The following PMPCB variants were observed in gnomAD, a reference collection of about 807,000 sequenced individuals.
PMPCB encodes mitochondrial-processing peptidase subunit beta.
A neutral mutation model predicts 61.5 loss-of-function variants in PMPCB; 46 were observed. The observed-to-expected ratio is 0.75, with a 90% confidence interval of 0.59 to 0.96. The LOEUF (loss-of-function observed/expected upper bound fraction) is 0.96, where lower values mean the gene tolerates loss of function less well. Among genes scored for constraint, PMPCB ranks in the 40% least tolerant of loss-of-function variants. PMPCB has a pLI of 0.00. For synonymous variants in PMPCB, 191 were observed against 201.6 expected (o/e 0.95, Z 0.44); for missense variants, 590 against 602.4 (o/e 0.98, Z 0.22).
At chr7:103,339,745 G>A in the PMPCB span, among the ~76,000 whole-genome samples, 10 of 152,018 alleles carry the variant, frequency 6.6e-5, no homozygotes, top group Admixed American at 2.6e-4. Context: ...GGGATTATAA[G>A]CATGTGCCAC....
At chr7:103,318,508 T>C (rs1337924981), downstream of PMPCB, among the ~76,000 whole-genome samples, 1 of 152,192 alleles carries the variant, frequency 6.6e-6, no homozygotes. Flanking sequence ...CTTGTGGCCC[T>C]TCCTATCCTA....
the PMPCB span, chr7:103,344,451 G>A: frequency 6.2e-6 from 8 of 1,284,916 alleles, no homozygotes; most frequent in Admixed American, 7.0e-5. Context: ...TACGGCCCCG[G>A]GGCTAGTCGC....
chr7:103,322,160 T>G (rs1033569865), intron 12 of PMPCB: 10 of 1,085,974 alleles, frequency 9.2e-6, no homozygotes, highest in Middle Eastern at 3.2e-4. Context: ...AAATTTAAAC[T>G]TTTAATAAAT....
In PMPCB at chr7:103,306,334, C is replaced by A. The variant is rs76328957; in HGVS notation, c.737-1262C>A. ...TTCCTGAGTTTTTGCATTTGGATACCTATTGATGTATTCAGAAATTTAGAT... is the reference window on the plus strand; with the variant it reads ...TTCCTGAGTTTTTGCATTTGGATACATATTGATGTATTCAGAAATTTAGAT... On this transcript the variant is annotated intron_variant, in intron 6 of 12. Coordinates refer to ENST00000249269, the MANE Select transcript of PMPCB (RefSeq NM_004279.3). Among the ~76,000 whole-genome samples, 564 of 150,552 alleles carry A rather than the reference C, an allele frequency of 3.7e-3. 4 individuals are homozygous for A. The highest frequency in any genetic ancestry group is 0.014 in the African/African-American group (557 of 40,956).
downstream of PMPCB, among the ~76,000 whole-genome samples, chr7:103,330,017 T>C (rs1231986775): frequency 6.6e-6 from 1 of 152,188 alleles, no homozygotes; most frequent in Non-Finnish European, 1.5e-5. Context: ...TAATGCCACA[T>C]AGCTAAAAGT....
intron 12 of PMPCB, among the ~76,000 whole-genome samples, chr7:103,328,510 G>A (rs1354912340): frequency 2.0e-4 from 30 of 151,850 alleles, no homozygotes; most frequent in Non-Finnish European, 1.5e-5. Flanking sequence ...GCATGCCTGT[G>A]GTCCCAGCTA....
chr7:103,341,123 G>A, the PMPCB span, among the ~76,000 whole-genome samples: 4 of 152,146 alleles, frequency 2.6e-5, no homozygotes, highest in Non-Finnish European at 5.9e-5. Context: ...CAGCCACATA[G>A]TAAGTTCAAG....
the PMPCB span, chr7:103,344,966 A>G: frequency 2.3e-6 from 1 of 441,592 alleles, no homozygotes; most frequent in East Asian, 3.4e-5. Flanking sequence ...TACATAGAAC[A>G]TAACCTTTAA....
chr7:103,346,819 TGTGTGTG>T, the PMPCB span, among the ~76,000 whole-genome samples: 7 of 2,182 alleles, frequency 3.2e-3, no homozygotes, highest in South Asian at 0.29. Flanking sequence ...GGCTGAATAA[TGTGTGTG>T]TGTGTGTGTG....
the PMPCB span, among the ~76,000 whole-genome samples, chr7:103,347,318 CT>C: frequency 6.6e-6 from 1 of 152,170 alleles, no homozygotes; most frequent in Non-Finnish European, 1.5e-5. Flanking sequence ...ATTTGTATAT[CT>C]TCTTTGGAGC....
At chr7:103,322,905 G>T in intron 12 of PMPCB, 2 of 856,824 alleles carry the variant, frequency 2.3e-6, no homozygotes. Context: ...AGGTTAAAAT[G>T]CTGTGTCATT....
At chr7:103,327,414 G>T in intron 12 of PMPCB, 1 of 967,928 alleles carries the variant, frequency 1.0e-6, no homozygotes, top group Non-Finnish European at 1.5e-6. Context: ...TAGGTTTGGG[G>T]CAGGGCCTGA....
downstream of PMPCB, among the ~76,000 whole-genome samples, chr7:103,315,096 G>A (rs1586061538): frequency 6.6e-6 from 1 of 151,846 alleles, no homozygotes; most frequent in South Asian, 2.1e-4. Flanking sequence ...ACCCAGTGAT[G>A]GGTCATGATT....
downstream of PMPCB, chr7:103,319,554 G>A (rs1818265855): frequency 6.5e-7 from 1 of 1,544,514 alleles, no homozygotes; most frequent in South Asian, 1.1e-5. Context: ...GAAGAAACAG[G>A]TCAAAGCAGA....
Position 103,305,641 on chromosome 7 carries a change from G to A in PMPCB, c.736+1151G>A, listed in dbSNP as rs62482394. On this transcript the variant is annotated intron_variant, in intron 6 of 12. Transcript: ENST00000249269. ...TGTTGTAAATTTTTCTCTTTTTAGA[G>A]ATCATAATTTAAAAATTCTAGTTGC... is the stretch of plus-strand genomic sequence containing the variant. 3.8e-3 allele frequency among the ~76,000 whole-genome samples: 574 copies of A among 152,266 alleles called. 4 individuals carry two copies. Among genetic ancestry groups the A allele is most frequent in the African/African-American group, 0.014 (565 of 41,542 alleles).
the PMPCB span, chr7:103,344,902 C>G: frequency 5.3e-6 from 3 of 565,414 alleles, no homozygotes; most frequent in African/African-American, 5.7e-5. Context: ...GAGAATGGTT[C>G]CTAGGCGCAT....
chr7:103,342,205 T>C, the PMPCB span, among the ~76,000 whole-genome samples: 2 of 152,156 alleles, frequency 1.3e-5, no homozygotes, highest in African/African-American at 4.8e-5. Context: ...AACTCAGTAA[T>C]GTCAATGATA....
Position 103,324,678 on chromosome 7 carries a change from C to T in PMPCB, c.*1432-4253C>T, listed in dbSNP as rs114183061. 605 of 987,938 alleles carry T rather than the reference C, an allele frequency of 6.1e-4. 4 individuals carry two copies. In the African/African-American group the frequency reaches 9.5e-3, roughly 15 times the overall value. The allele number at this position is 987,938 out of a possible 1,614,324, so 61.2% of individuals were successfully genotyped here. On this transcript the variant is annotated intron_variant and NMD_transcript_variant, in intron 12 of 12. Coordinates refer to the PMPCB transcript ENST00000444457. ...TTACTAATTCCTCTGATTTCCCTTC[C>T]CTACAAACTCTACAACTCGAAGATG...
At chr7:103,304,983 A>G (rs1357397632) in intron 6 of PMPCB, among the ~76,000 whole-genome samples, 1 of 152,118 alleles carries the variant, frequency 6.6e-6, no homozygotes, top group African/African-American at 2.4e-5. Context: ...AGTAGGTTTT[A>G]TTTATAGAAA....
Sources: gnomAD v4.1 joint callset for allele counts (sites outside exome capture counted in the v4.1 genomes callset) on GRCh38, gnomAD v4.1.1 for gene constraint, MANE v1.5 for transcripts, NCBI Gene and HGNC (gene_info 2026-07-23, HGNC 2026-07-21) for gene names.